TNFAIP2: variants seen among roughly 807,000 people sequenced by gnomAD.
TNFAIP2 encodes tumor necrosis factor alpha-induced protein 2.
In TNFAIP2, 47 loss-of-function variants were observed where a neutral mutation model predicts 63.5. The ratio of observed to expected loss-of-function variants is 0.74; its 90% CI spans 0.59 to 0.94. The LOEUF is 0.94. Among genes scored for constraint, TNFAIP2 ranks in the 40% least tolerant of loss-of-function variants. The probability of loss-of-function intolerance (pLI) is 0.00; values close to 1 mark genes in which losing one functional copy is unlikely to be tolerated. For synonymous variants in TNFAIP2, 405 were observed against 390.2 expected (o/e 1.04, Z -0.45); for missense variants, 787 against 850.2 (o/e 0.93, Z 0.92).
Position 103,131,993 on chromosome 14 carries a change from CCTGGGGCTGGG to C in TNFAIP2, c.1422+232_1422+242del. On this transcript the variant is annotated intron_variant, in intron 8 of 11. Transcript: ENST00000560869. The surrounding 1 kb of genome is among the most constrained non-coding windows in gnomAD (Gnocchi z 4.0). ...CTGGGGTTTCACCTGAGAGGGGCCGCCTGGGGCTGGGAGGGGCCGCCTGGGGCTGGGAGGGG... is the reference window on the plus strand; with the variant it reads ...CTGGGGTTTCACCTGAGAGGGGCCGCAGGGGCCGCCTGGGGCTGGGAGGGG... Among the ~76,000 whole-genome samples the C allele has an allele frequency of 1.8e-4, 1 of 5,610 alleles. No individual in the cohort carries two copies. Among genetic ancestry groups the C allele is most frequent in the African/African-American group, 2.5e-3 (1 of 406 alleles). 3.7% of individuals were successfully genotyped at this position (5,610 alleles called of 152,430 possible).
In TNFAIP2 at chr14:103,127,615, G is replaced by A. The variant is rs767615998; in HGVS notation, c.846G>A (p.Gln282=). The A allele has an allele frequency of 9.3e-6, 14 of 1,511,050 alleles. No homozygotes were observed. The highest frequency in any genetic ancestry group is 1.2e-5 in the Non-Finnish European group (13 of 1,128,528). 93.6% of individuals were successfully genotyped at this position (1,511,050 alleles called of 1,614,324 possible). A position where few individuals can be genotyped will look rare whatever the true frequency, so the allele number is the denominator to read the frequency against. ...RDTYMLLLWV[Q]NLYPNDIINS... ...CCTACATGCTGCTGCTCTGGGTGCA[G>A]AACCTCTACCCCAAGTGAGCAGACC... is the stretch of plus-strand genomic sequence containing the variant. Residue 282 remains glutamine (Q), a synonymous_variant, in exon 3 of 12, where the codon CAG becomes CAA. Transcript: ENST00000560869. This position sits in a 1 kb window ranked among gnomAD's most constrained non-coding sequence, Gnocchi z 5.1.
chr14:103,128,439 G>A (rs551463548), intron 3 of TNFAIP2, among the ~76,000 whole-genome samples: 1 of 152,216 alleles, frequency 6.6e-6, no homozygotes, highest in Non-Finnish European at 1.5e-5. Context: ...TCATTCGCAC[G>A]GTCTGCATGG....
In TNFAIP2 at chr14:103,126,541, G is replaced by C. The variant is rs1350021440; in HGVS notation, c.84G>C (p.Lys28Asn). 5 of 1,570,524 alleles carry C rather than the reference G, an allele frequency of 3.2e-6. No homozygotes were observed. The highest frequency in any genetic ancestry group is 3.5e-6 in the Non-Finnish European group (4 of 1,158,088). ...ATAGGGAGGAGGAAGAGGCGGCGAA[G>C]AAGAAGAAGGAGAAGAAGAAGAAGT... is the stretch of plus-strand genomic sequence containing the variant. ...APYREEEEAA[K>N]KKKEKKKKSK... The change falls in exon 2 of 12, where the codon AAG becomes AAC. Residue 28 changes from lysine (K) to asparagine (N), a missense_variant. This residue lies in a region of TNFAIP2 where 258 missense variants were observed against 228.9 expected (regional missense o/e 1.13). Transcript: ENST00000560869.
In TNFAIP2 at chr14:103,135,168, G is replaced by A. The variant is rs1362142521; in HGVS notation, c.1824-51G>A. ...CTGGCCGGGAGTGCAGGGAGCTGGT[G>A]AGTAGGGGTGTGGGTGACAGGCTGG... On this transcript the variant is annotated intron_variant, in intron 11 of 11. Coordinates refer to ENST00000560869, the MANE Select transcript of TNFAIP2 (RefSeq NM_006291.4). The surrounding 1 kb of genome is among the most constrained non-coding windows in gnomAD (Gnocchi z 7.6). 5 of 1,612,074 alleles carry A rather than the reference G, an allele frequency of 3.1e-6. No homozygotes were observed. Among genetic ancestry groups the A allele is most frequent in the African/African-American group, 1.3e-5 (1 of 74,878 alleles).
rs1249994293 is a variant in TNFAIP2, at chr14:103,131,377, A to T, written c.1298+227A>T. Reference sequence around the variant, plus strand: ...TCACCCATTATCTTATCCTTAAAGCAACCCTGTGAAGTAGGTATAGTGATC... The same window carrying T: ...TCACCCATTATCTTATCCTTAAAGCTACCCTGTGAAGTAGGTATAGTGATC... On this transcript the variant is annotated intron_variant, in intron 7 of 11. Transcript: ENST00000560869. This position sits in a 1 kb window ranked among gnomAD's most constrained non-coding sequence, Gnocchi z 4.0. 6.6e-6 allele frequency among the ~76,000 whole-genome samples: 1 copy of T among 152,198 alleles called. No individual in the cohort carries two copies. The highest frequency in any genetic ancestry group is 1.5e-5 in the Non-Finnish European group (1 of 68,038).
At chr14:103,123,362 G>C (rs1201115599), upstream of TNFAIP2, 1 of 152,364 alleles carries the variant, frequency 6.6e-6, no homozygotes, top group South Asian at 2.0e-4. Flanking sequence ...GCCTCCGCCC[G>C]CGGGTTTTCC....
Position 103,132,735 on chromosome 14 carries a change from C to T in TNFAIP2, c.1423-15C>T. The T allele has an allele frequency of 6.2e-7, 1 of 1,610,356 alleles. No individual in the cohort carries two copies. On this transcript the variant is annotated splice_polypyrimidine_tract_variant and intron_variant, in intron 8 of 11. Transcript: ENST00000560869. ...CTCCAGGGCGTGACTAGACATCCTGCCTCTCCTGTCTCAGCCACTGTTCAA... is the reference window on the plus strand; with the variant it reads ...CTCCAGGGCGTGACTAGACATCCTGTCTCTCCTGTCTCAGCCACTGTTCAA...
Position 103,126,666 on chromosome 14 carries a change from A to C in TNFAIP2, c.209A>C (p.Gln70Pro). 1 of 1,557,274 alleles carries C rather than the reference A, an allele frequency of 6.4e-7. No individual in the cohort carries two copies. Among genetic ancestry groups the C allele is most frequent in the Non-Finnish European group, 8.7e-7 (1 of 1,150,220 alleles). The change falls in exon 2 of 12, where the codon CAG (glutamine) becomes CCG (proline). Residue 70 changes from glutamine to proline, a missense_variant. Coordinates refer to ENST00000560869, the MANE Select transcript of TNFAIP2 (RefSeq NM_006291.4). The stretch of plus-strand genomic sequence containing the variant: ...CCCGAGGACGCAGCCGGGTCCAGGC[A>C]GGGGCTGGATGGCCCGCCCCCCACA... Reference protein sequence around the residue: ...AEPEDAAGSRQGLDGPPPTVE... With the variant: ...AEPEDAAGSRPGLDGPPPTVE...
chr14:103,125,584 G>A (rs1446751523), intron 1 of TNFAIP2, among the ~76,000 whole-genome samples: 1 of 152,232 alleles, frequency 6.6e-6, no homozygotes, highest in East Asian at 1.9e-4. Flanking sequence ...GTGGGAGCCA[G>A]GAAGCCTGGG....
Position 103,127,198 on chromosome 14 carries a change from GCT to G in TNFAIP2, c.430_431del (p.Leu144GlyfsTer144). The G allele has an allele frequency of 8.9e-7, 1 of 1,121,500 alleles. No individual in the cohort carries two copies. 69.5% of individuals were successfully genotyped at this position (1,121,500 alleles called of 1,614,324 possible). ...AGGTGCTGGGCGTGCTGCGGCGGCC[GCT>G]GGAGGCGCCGCCCGAGCGGCTGCGC... ...DQVLGVLRRP[L>X]EAPPERLRQA... is the part of the protein sequence containing the mutation. On this transcript the variant is annotated frameshift_variant, in exon 3 of 12. Coordinates refer to ENST00000560869, the MANE Select transcript of TNFAIP2 (RefSeq NM_006291.4). LOFTEE classifies it high-confidence loss of function. The surrounding 1 kb of genome is among the most constrained non-coding windows in gnomAD (Gnocchi z 5.1).
At chr14:103,133,968 A>T (rs2088044464) in intron 11 of TNFAIP2, among the ~76,000 whole-genome samples, 165 bp downstream of exon 11, 1 of 152,256 alleles carries the variant, frequency 6.6e-6, no homozygotes, top group Non-Finnish European at 1.5e-5. Context: ...CTACGAGGAC[A>T]ATACTTCCCA....
intron 1 of TNFAIP2, chr14:103,124,435 G>A (rs3759573): frequency 0.63 from 96,075 of 152,356 alleles, 32,195 homozygotes; most frequent in Middle Eastern, 0.76. Flanking sequence ...ACCTTCAGGC[G>A]CTCTGGGTTT....
At chr14:103,122,031 T>C (rs1439407367), upstream of TNFAIP2, among the ~76,000 whole-genome samples, 2 of 152,180 alleles carry the variant, frequency 1.3e-5, no homozygotes, top group East Asian at 3.9e-4. Context: ...ATGAACTCCA[T>C]CTGCGCGGTG....
intron 8 of TNFAIP2, 198 bp from the exon 9 acceptor site, chr14:103,132,552 C>A: frequency 1.3e-6 from 1 of 770,196 alleles, no homozygotes; most frequent in Non-Finnish European, 2.2e-6. Context: ...GATAAGGGTG[C>A]ACAGAGCCGG....
In TNFAIP2 at chr14:103,131,140, C is replaced by T. The variant is rs1363063114; in HGVS notation, c.1288C>T (p.Leu430=). The change falls in exon 7 of 12, where the codon CTG becomes TTG. Residue 430 remains leucine, a synonymous_variant. Coordinates refer to ENST00000560869, the MANE Select transcript of TNFAIP2 (RefSeq NM_006291.4). This position sits in a 1 kb window ranked among gnomAD's most constrained non-coding sequence, Gnocchi z 4.0. Reference sequence around the variant, plus strand: ...TGTTATTGCCAACATCAACAACTGCCTGTCCTTCCGGTGAGAGTGTTGGGA... The same window carrying T: ...TGTTATTGCCAACATCAACAACTGCTTGTCCTTCCGGTGAGAGTGTTGGGA... ...ANVIANINNC[L]SFRMSMEQNW... 3.1e-5 allele frequency: 50 copies of T among 1,614,154 alleles called. No individual in the cohort carries two copies. Among genetic ancestry groups the T allele is most frequent in the Non-Finnish European group, 4.1e-5 (48 of 1,180,004 alleles).
chr14:103,135,594 C>T lies in TNFAIP2; in HGVS notation c.*234C>T. 7.1e-7 allele frequency: 1 copy of T among 1,404,834 alleles called. No individual in the cohort carries two copies. The highest frequency in any genetic ancestry group is 1.4e-5 in the African/African-American group (1 of 69,134). The allele number at this position is 1,404,834 out of a possible 1,614,324, so 87.0% of individuals were successfully genotyped here. A position where few individuals can be genotyped will look rare whatever the true frequency, so the allele number is the denominator to read the frequency against. On this transcript the variant is annotated 3_prime_UTR_variant, in exon 12 of 12. Coordinates refer to ENST00000560869, the MANE Select transcript of TNFAIP2 (RefSeq NM_006291.4). This position sits in a 1 kb window ranked among gnomAD's most constrained non-coding sequence, Gnocchi z 7.6. The stretch of plus-strand genomic sequence containing the variant: ...CTCCCATCCTGGGCAGCCAACCAGG[C>T]AACACCAAGGACTCTTTGTAAACGA...
intron 1 of TNFAIP2, among the ~76,000 whole-genome samples, chr14:103,124,676 G>A (rs999588106): frequency 2.0e-5 from 3 of 152,360 alleles, no homozygotes; most frequent in South Asian, 2.1e-4. Flanking sequence ...CAGCTCCCGC[G>A]GGTGCTAGGC....
intron 3 of TNFAIP2, among the ~76,000 whole-genome samples, chr14:103,128,359 G>A (rs1340821786): frequency 6.6e-6 from 1 of 152,202 alleles, no homozygotes. Flanking sequence ...GAGGCTGGCT[G>A]TGCAGCTGGT....
chr14:103,130,400 C>T lies in TNFAIP2; in HGVS notation c.1184C>T (p.Pro395Leu). ...QIKRVLLVEL[P>L]AFLRSYQRAF... ...AAGCGGGTGCTGCTGGTGGAGCTGC[C>T]TGCGTTCCTGAGGAGGTGGGTGTGT... Residue 395 changes from proline (P) to leucine (L), a missense_variant, in exon 6 of 12, where the codon CCT becomes CTT. By Grantham distance (98) the Pro-to-Leu change is moderately conservative. Coordinates refer to ENST00000560869, the MANE Select transcript of TNFAIP2 (RefSeq NM_006291.4). 1.3e-6 allele frequency: 2 copies of T among 1,564,006 alleles called. No individual in the cohort carries two copies. The highest frequency in any genetic ancestry group is 1.7e-6 in the Non-Finnish European group (2 of 1,154,008).
Sources: allele counts gnomAD v4.1 joint callset (sites outside exome capture counted in the v4.1 genomes callset), GRCh38; gene constraint gnomAD v4.1.1; regional missense constraint gnomAD v4.1.1; non-coding constraint Gnocchi (gnomAD v3.1); transcripts MANE v1.5; gene names NCBI Gene and HGNC (gene_info 2026-07-23, HGNC 2026-07-21).